The following RANBP2 variants were observed in gnomAD, a reference collection of about 807,000 sequenced individuals.
RANBP2 encodes E3 SUMO-protein ligase RanBP2.
RANBP2 carries 57 observed loss-of-function variants against 303.6 expected under a neutral mutation model. The ratio of observed to expected loss-of-function variants is 0.19; its 90% CI spans 0.15 to 0.23. RANBP2 has a LOEUF of 0.23. Ranked by LOEUF, RANBP2 falls within the 10% of genes least tolerant of loss-of-function variation. The pLI, the probability that RANBP2 is intolerant of heterozygous loss-of-function variation, is 1.00. For synonymous variants in RANBP2, 1,167 were observed against 1,301.5 expected, an observed-to-expected ratio of 0.90 and a Z score of 2.23; for missense variants, 3,138 against 3,780.8, an observed-to-expected ratio of 0.83 and a Z score of 4.46.
At chr2:109,545,963 G>C in the RANBP2 span, 1 of 1,485,440 alleles carries the variant, frequency 6.7e-7, no homozygotes. Flanking sequence ...GCATAAGGAA[G>C]CAGAAGTAAG....
chr2:109,737,215 A>C, the RANBP2 span: 12 of 804,012 alleles, frequency 1.5e-5, no homozygotes, highest in Non-Finnish European at 2.5e-5. Flanking sequence ...GCTGTTAGCA[A>C]CTATGCACAA....
the RANBP2 span, among the ~76,000 whole-genome samples, chr2:109,619,533 G>A: frequency 1.3e-5 from 2 of 152,174 alleles, no homozygotes; most frequent in Non-Finnish European, 2.9e-5. Flanking sequence ...GCAAAGGGAT[G>A]TGGTACTCCT....
the RANBP2 span, among the ~76,000 whole-genome samples, chr2:109,275,879 A>G: frequency 6.6e-5 from 10 of 151,938 alleles, no homozygotes; most frequent in African/African-American, 2.4e-4. Flanking sequence ...TTTTGAGTCC[A>G]CTCTAGGTTT....
At chr2:108,926,318 T>A in the RANBP2 span, among the ~76,000 whole-genome samples, 1 of 152,222 alleles carries the variant, frequency 6.6e-6, no homozygotes, top group Admixed American at 6.5e-5. Flanking sequence ...ACCCCTGTTC[T>A]ACATAGGTTG....
chr2:109,159,336 T>C, the RANBP2 span, among the ~76,000 whole-genome samples: 21 of 152,228 alleles, frequency 1.4e-4, no homozygotes, highest in African/African-American at 5.1e-4. Flanking sequence ...GAGAGGGTGC[T>C]GCCTGCCCTG....
chr2:108,781,706 G>A (rs1487821690), intron 26 of RANBP2, among the ~76,000 whole-genome samples: 3 of 151,864 alleles, frequency 2.0e-5, no homozygotes, highest in Non-Finnish European at 4.4e-5. Flanking sequence ...ACATGATTCT[G>A]GGGAAAAATT....
the RANBP2 span, chr2:109,348,090 A>G: frequency 1.7e-6 from 2 of 1,192,080 alleles, no homozygotes; most frequent in African/African-American, 1.6e-5. Flanking sequence ...TGGGCAAATG[A>G]CCCAGCCTCC....
At position 108,771,840 on chromosome 2, in the gene RANBP2, A is replaced by G. The variant is rs371440272; in HGVS notation, c.7989A>G (p.Arg2663=). The G allele has an allele frequency of 6.2e-7, 1 of 1,614,078 alleles. No homozygotes were observed. The highest frequency in any genetic ancestry group is 8.5e-7 in the Non-Finnish European group (1 of 1,179,962). The change falls in exon 21 of 29, where the codon AGA becomes AGG. Residue 2663 remains arginine (R), a synonymous_variant. Transcript: ENST00000283195. ...CAACTTTCTTCTGCTACAAGAATAG[A>G]CCAGATTATGTTAGTGAAGAAGAGG... The part of the protein sequence containing the change: ...LPPTFFCYKN[R]PDYVSEEEED...
chr2:109,443,805 A>G, the RANBP2 span, among the ~76,000 whole-genome samples: 1 of 152,372 alleles, frequency 6.6e-6, no homozygotes, highest in East Asian at 1.9e-4. Flanking sequence ...ATGGTCAGAG[A>G]CTTTCATGTC....
chr2:109,264,403 G>A, the RANBP2 span, among the ~76,000 whole-genome samples: 2 of 151,876 alleles, frequency 1.3e-5, no homozygotes, highest in Non-Finnish European at 2.9e-5. Context: ...CGAGTCTGTG[G>A]GTGCCCCCCA....
At chr2:108,948,471 C>T in the RANBP2 span, among the ~76,000 whole-genome samples, 1 of 152,158 alleles carries the variant, frequency 6.6e-6, no homozygotes, top group Non-Finnish European at 1.5e-5. Flanking sequence ...TCTCACACTG[C>T]TATAAAGATA....
At chr2:109,657,249 C>A in the RANBP2 span, among the ~76,000 whole-genome samples, 1 of 152,078 alleles carries the variant, frequency 6.6e-6, no homozygotes, top group Non-Finnish European at 1.5e-5. Flanking sequence ...AGTTTGAGAC[C>A]ATCCCAGGCA....
the RANBP2 span, among the ~76,000 whole-genome samples, chr2:108,831,331 T>G: frequency 0.13 from 19,887 of 152,234 alleles, 1,430 homozygotes; most frequent in Middle Eastern, 0.22. Context: ...TCCCTACTAC[T>G]GCCACCCTAT....
the RANBP2 span, among the ~76,000 whole-genome samples, chr2:109,712,177 T>C: frequency 6.6e-6 from 1 of 152,156 alleles, no homozygotes; most frequent in Non-Finnish European, 1.5e-5. Context: ...ATAAATCCCT[T>C]CCCCAGTGAG....
intron 1 of RANBP2, among the ~76,000 whole-genome samples, chr2:108,723,836 T>C (rs1167030167): frequency 6.6e-6 from 1 of 152,194 alleles, no homozygotes; most frequent in East Asian, 1.9e-4. Context: ...CTCAGCAATT[T>C]ACACCCTCAA....
chr2:109,104,772 C>T, the RANBP2 span, among the ~76,000 whole-genome samples: 3 of 152,132 alleles, frequency 2.0e-5, no homozygotes, highest in Non-Finnish European at 2.9e-5. Context: ...CGTGAGCTAC[C>T]GTGCCCAGCC....
chr2:109,433,331 T>TC, the RANBP2 span, among the ~76,000 whole-genome samples: 1 of 152,278 alleles, frequency 6.6e-6, no homozygotes, highest in Non-Finnish European at 1.5e-5. Context: ...TATATTTTTT[T>TC]CTTTGTGTTG....
chr2:109,639,423 A>G, the RANBP2 span, among the ~76,000 whole-genome samples: 1 of 152,186 alleles, frequency 6.6e-6, no homozygotes, highest in African/African-American at 2.4e-5. Flanking sequence ...GATCTAGACC[A>G]TCCTGGCCAA....
At chr2:109,493,493 CCATA>C in the RANBP2 span, among the ~76,000 whole-genome samples, 9 of 151,814 alleles carry the variant, frequency 5.9e-5, no homozygotes, top group Admixed American at 1.3e-4. Context: ...CCCACATACA[CCATA>C]CAAACACATA....
Sources: gnomAD v4.1 joint callset for allele counts (sites outside exome capture counted in the v4.1 genomes callset) on GRCh38, gnomAD v4.1.1 for gene constraint, MANE v1.5 for transcripts, NCBI Gene and HGNC (gene_info 2026-07-23, HGNC 2026-07-21) for gene names.